The following MSH6 variants were observed in gnomAD, a reference collection of about 807,000 sequenced individuals.
MSH6 encodes the protein mutS homolog 6.
MSH6 carries 85 observed loss-of-function variants against 119.1 expected under a neutral mutation model. The observed-to-expected ratio is 0.71, with a 90% CI of 0.60 to 0.85. The LOEUF (loss-of-function observed/expected upper bound fraction) is 0.85, where lower values mean the gene tolerates loss of function less well. Among genes scored for constraint, MSH6 ranks in the 40% least tolerant of loss-of-function variants. MSH6 has a pLI of 0.00. For missense variants in MSH6, 2,163 were observed against 1,655.3 expected (o/e 1.31, Z -5.32); for synonymous variants, 830 against 586.9 (o/e 1.41, Z -5.99).
Position 47,783,391 on chromosome 2 carries a change from C to G in MSH6, c.158C>G (p.Ala53Gly). ...SPGGDAAWSE[A>G]GPGPRPLARS... Reference sequence around the variant, plus strand: ...GGCGGGGATGCGGCCTGGAGCGAGGCTGGGCCTGGGCCCAGGCCCTTGGCG... The same window carrying G: ...GGCGGGGATGCGGCCTGGAGCGAGGGTGGGCCTGGGCCCAGGCCCTTGGCG... The change falls in exon 1 of 10, where the codon GCT (alanine) becomes GGT (glycine). Residue 53 changes from alanine to glycine, a missense_variant. By Grantham distance (60) the Ala-to-Gly change is moderately conservative. Coordinates refer to ENST00000234420, the MANE Select transcript of MSH6 (RefSeq NM_000179.3). The G allele has an allele frequency of 6.4e-7, 1 of 1,574,296 alleles. No individual in the cohort carries two copies. Among genetic ancestry groups the G allele is most frequent in the South Asian group, 1.1e-5 (1 of 87,626 alleles).
intron 8 of MSH6, 27 bp from the exon 9 acceptor site, chr2:47,806,425 G>C (rs34530700): frequency 1.2e-6 from 2 of 1,613,802 alleles, no homozygotes; most frequent in African/African-American, 1.3e-5. Flanking sequence ...GCTAGCACAT[G>C]TATCGCTAAT....
rs1669363053 is a variant in MSH6 at position 47,799,682 on chromosome 2, A to G, written c.1699A>G (p.Lys567Glu). The change falls in exon 4 of 10, where the codon AAG (lysine) becomes GAG (glutamate). Residue 567 changes from lysine to glutamate, a missense_variant. Lys to Glu is a moderately conservative substitution (Grantham distance 56). Transcript: ENST00000234420. ...GTGCTTTGTTGATACTTCACTGGGA[A>G]AGTTTTTCATAGGTCAGTTTTCAGA... Reference protein sequence around the residue: ...GVCFVDTSLGKFFIGQFSDDR... With the variant: ...GVCFVDTSLGEFFIGQFSDDR... 6.2e-7 allele frequency: 1 copy of G among 1,614,178 alleles called. No homozygotes were observed. Among genetic ancestry groups the G allele is most frequent in the Non-Finnish European group, 8.5e-7 (1 of 1,180,032 alleles).
intron 2 of MSH6, among the ~76,000 whole-genome samples, chr2:47,792,356 G>T (rs1248451393): frequency 6.6e-6 from 1 of 152,056 alleles, no homozygotes; most frequent in East Asian, 1.9e-4. Flanking sequence ...TTTCGTCATA[G>T]TGCTCATCCT....
chr2:47,794,228 C>G (rs1409236556), intron 2 of MSH6, among the ~76,000 whole-genome samples: 2 of 151,840 alleles, frequency 1.3e-5, no homozygotes, highest in Non-Finnish European at 2.9e-5. Flanking sequence ...GTAATCTCAG[C>G]TACTCAGGAG....
Position 47,799,168 on chromosome 2 carries a change from A to T in MSH6, c.1185A>T (p.Thr395=), listed in dbSNP as rs1159900857. The change falls in exon 4 of 10, where the codon ACA becomes ACT. Residue 395 remains threonine (T), a synonymous_variant. Coordinates refer to ENST00000234420, the MANE Select transcript of MSH6 (RefSeq NM_000179.3). ...RPDHPDFDAS[T]LYVPEDFLNS... ...ATCACCCCGATTTTGATGCATCTACACTCTATGTGCCTGAGGATTTCCTCA... is the reference window on the plus strand; with the variant it reads ...ATCACCCCGATTTTGATGCATCTACTCTCTATGTGCCTGAGGATTTCCTCA... 1 of 1,614,046 alleles carries T rather than the reference A, an allele frequency of 6.2e-7. No homozygotes were observed.
downstream of MSH6, chr2:47,809,913 C>A (rs369189630): frequency 1.9e-6 from 1 of 540,040 alleles, no homozygotes; most frequent in Admixed American, 3.6e-5. Flanking sequence ...AATTAACTTT[C>A]GCACCAACCT....
chr2:47,788,906 C>CTTTTTTTTTTTTTTGTT lies in MSH6; in HGVS notation c.261-2021_261-2020insTTTTTTTTTTTTTTGTT, dbSNP rs1491155839. ...GCTATTTCTTTCTTTCTTTCTTCTTCCTTTTTTTTTTTTTTGTTTTTTTTT... is the reference window on the plus strand; with the variant it reads ...GCTATTTCTTTCTTTCTTTCTTCTTCTTTTTTTTTTTTTTGTTCTTTTTTTTTTTTTTGTTTTTTTTT... On this transcript the variant is annotated intron_variant, in intron 1 of 9. Coordinates refer to ENST00000234420, the MANE Select transcript of MSH6 (RefSeq NM_000179.3). 7.6e-4 allele frequency among the ~76,000 whole-genome samples: 12 copies of CTTTTTTTTTTTTTTGTT among 15,826 alleles called. 1 individual carries two copies. The highest frequency in any genetic ancestry group is 4.6e-3 in the African/African-American group (12 of 2,582). The allele number at this position is 15,826 out of a possible 152,430, so 10.4% of individuals were successfully genotyped here. A position where few individuals can be genotyped will look rare whatever the true frequency, so the allele number is the denominator to read the frequency against.
chr2:47,783,621 C>T, intron 1 of MSH6, 128 bp downstream of exon 1: 1 of 1,007,592 alleles, frequency 9.9e-7, no homozygotes, highest in Non-Finnish European at 1.4e-6. Context: ...GGAGGCGGGG[C>T]CGCAGAGTTG....
intron 4 of MSH6, 142 bp downstream of exon 4, chr2:47,801,297 G>A: frequency 2.7e-6 from 2 of 748,544 alleles, no homozygotes; most frequent in South Asian, 3.6e-5. Flanking sequence ...TGACTAGGCT[G>A]CCCACAGCAA....
intron 2 of MSH6, among the ~76,000 whole-genome samples, chr2:47,791,699 G>A (rs1294772702): frequency 4.3e-5 from 6 of 141,150 alleles, no homozygotes; most frequent in African/African-American, 1.1e-4. Flanking sequence ...TTTTTCTGGA[G>A]ACAGAGTCTC....
intron 1 of MSH6, among the ~76,000 whole-genome samples, chr2:47,788,570 C>CTTTTTTTTTTT (rs531963943): frequency 3.3e-4 from 35 of 104,840 alleles, no homozygotes; most frequent in Non-Finnish European, 5.0e-4. Flanking sequence ...TTTTCTTTTT[C>CTTTTTTTTTTT]TTTTTTTTTT....
chr2:47,802,640 T>G (rs991472670), intron 4 of MSH6, among the ~76,000 whole-genome samples: 6 of 151,318 alleles, frequency 4.0e-5, no homozygotes, highest in South Asian at 2.1e-4. Flanking sequence ...GCCCTGTTTT[T>G]TTTTTTTTTT....
intron 9 of MSH6, 48 bp downstream of exon 9, chr2:47,806,699 C>CAAAG (rs1553333849): frequency 1.1e-4 from 178 of 1,571,504 alleles, no homozygotes; most frequent in East Asian, 3.6e-4. Context: ...CCTTAAGTTT[C>CAAAG]AAAGAAACAG....
chr2:47,809,463 GCT>G (rs1200848347), downstream of MSH6: 12 of 727,216 alleles, frequency 1.7e-5, no homozygotes, highest in South Asian at 3.9e-5. Context: ...TAGAACCAAA[GCT>G]CTGTTTCTTT....
rs1004391135 is a variant in MSH6, at chr2:47,784,348, G to A, written c.260+855G>A. 4 of 683,528 alleles carry A rather than the reference G, an allele frequency of 5.9e-6. No individual in the cohort carries two copies. The African/African-American group carries it at 7.8e-5, about 13-fold the overall frequency. 42.3% of individuals were successfully genotyped at this position (683,528 alleles called of 1,614,324 possible). On this transcript the variant is annotated intron_variant, in intron 1 of 9. Coordinates refer to ENST00000234420, the MANE Select transcript of MSH6 (RefSeq NM_000179.3). Reference sequence around the variant, plus strand: ...TTATGAAATAGTGTAATTTTTATGGGGCACCACTGGGCTTTTAGAGGCCTT... The same window carrying A: ...TTATGAAATAGTGTAATTTTTATGGAGCACCACTGGGCTTTTAGAGGCCTT...
downstream of MSH6, chr2:47,809,982 C>G (rs575788626): frequency 2.0e-6 from 1 of 491,364 alleles, no homozygotes; most frequent in South Asian, 3.2e-5. Flanking sequence ...ATTTTAACAT[C>G]TCTTTTTCTG....
rs63750525 is a variant in MSH6 at position 47,791,106 on chromosome 2, T to G, written c.440T>G (p.Leu147Arg). Residue 147 changes from leucine (L) to arginine (R), a missense_variant, in exon 2 of 10, where the codon CTT (leucine) becomes CGT (arginine). Leu to Arg is a moderately radical substitution (Grantham distance 102). Transcript: ENST00000234420. The part of the protein sequence containing the change: ...SPTRGWVSKR[L>R]LKPYTGSKSK... ...ACAAGGGGCTGGGTTAGCAAAAGGC[T>G]TTTAAAGCCATATACAGGTAAGAGT... 6.2e-7 allele frequency: 1 copy of G among 1,614,050 alleles called. No homozygotes were observed. Among genetic ancestry groups the G allele is most frequent in the African/African-American group, 1.3e-5 (1 of 74,926 alleles).
intron 1 of MSH6, chr2:47,784,022 A>G (rs920873658): frequency 7.8e-6 from 8 of 1,021,642 alleles, no homozygotes; most frequent in Non-Finnish European, 8.2e-6. Flanking sequence ...TTGGGGCTCC[A>G]GTAGTCGATC....
chr2:47,805,103 G>A, intron 6 of MSH6, 76 bp downstream of exon 6: 2 of 985,590 alleles, frequency 2.0e-6, no homozygotes, highest in Non-Finnish European at 3.3e-6. Context: ...TCTTGTATAT[G>A]AGCCTTTTAA....
Sources: allele counts gnomAD v4.1 joint callset (sites outside exome capture counted in the v4.1 genomes callset), GRCh38; gene constraint gnomAD v4.1.1; transcripts MANE v1.5; gene names NCBI Gene and HGNC (gene_info 2026-07-23, HGNC 2026-07-21).